Variants in COL11A1 observed in about 807,000 individuals in gnomAD.
COL11A1 encodes collagen type XI alpha 1 chain, also known as collagen alpha-1(XI) chain.
A neutral mutation model predicts 265.2 loss-of-function variants in COL11A1; 74 were observed. That is an observed-to-expected ratio of 0.28 (90% confidence interval 0.23 to 0.34). COL11A1 has a LOEUF of 0.34. Ranked by LOEUF, COL11A1 falls within the 10% of genes least tolerant of loss-of-function variation. The probability of loss-of-function intolerance (pLI) is 1.00; values close to 1 mark genes in which losing one functional copy is unlikely to be tolerated. For missense variants in COL11A1, 2,165 were observed against 2,263.6 expected (o/e 0.96, Z 0.88); for synonymous variants, 816 against 727.6 (o/e 1.12, Z -1.96).
intron 3 of COL11A1, among the ~76,000 whole-genome samples, chr1:103,076,129 G>A (rs1401568331): frequency 1.3e-5 from 2 of 152,094 alleles, no homozygotes; most frequent in South Asian, 4.1e-4. Flanking sequence ...CATAATCATG[G>A]TGTCATATAT....
At chr1:103,020,730 GTTTAAGTC>G (rs1181972597) in intron 9 of COL11A1, among the ~76,000 whole-genome samples, 1 of 116,318 alleles carries the variant, frequency 8.6e-6, no homozygotes, top group Non-Finnish European at 1.8e-5. Flanking sequence ...TAGGTCTAAC[GTTTAAGTC>G]TTTAATCCAT....
intron 46 of COL11A1, among the ~76,000 whole-genome samples, chr1:102,933,651 A>C (rs12756209): frequency 0.5 from 75,385 of 151,980 alleles, 22,470 homozygotes; most frequent in East Asian, 0.7. Context: ...TTGTTTACCT[A>C]AGCAAGCCTG....
chr1:103,011,982 G>A (rs1266051619), intron 14 of COL11A1, among the ~76,000 whole-genome samples: 1 of 152,018 alleles, frequency 6.6e-6, no homozygotes. Flanking sequence ...GGCAACCTGC[G>A]GTTTAAAAAG....
intron 1 of COL11A1, among the ~76,000 whole-genome samples, chr1:103,098,205 C>T (rs371681928): frequency 6.6e-6 from 1 of 151,876 alleles, no homozygotes; most frequent in Non-Finnish European, 1.5e-5. Context: ...AAAGCATTTT[C>T]TATATTGTAA....
At chr1:103,030,669 T>C in intron 5 of COL11A1, among the ~76,000 whole-genome samples, 1 of 152,082 alleles carries the variant, frequency 6.6e-6, no homozygotes, top group East Asian at 1.9e-4. Flanking sequence ...AACCCTCTAA[T>C]TGTTCAACAC....
chr1:102,904,475 T>C (rs962051483), intron 54 of COL11A1, among the ~76,000 whole-genome samples: 2 of 152,082 alleles, frequency 1.3e-5, no homozygotes, highest in Admixed American at 1.3e-4. Context: ...AACCTACTTA[T>C]CTGACAAAGG....
At chr1:102,994,651 A>G (rs1038163155) in intron 28 of COL11A1, among the ~76,000 whole-genome samples, 2 of 152,146 alleles carry the variant, frequency 1.3e-5, no homozygotes, top group South Asian at 2.1e-4. Context: ...GATATTAACA[A>G]TAGTTAATAT....
At chr1:102,978,804 T>C in intron 34 of COL11A1, 52 bp from the exon 35 acceptor site, 2 of 1,613,936 alleles carry the variant, frequency 1.2e-6, no homozygotes, top group Middle Eastern at 1.6e-4. Flanking sequence ...TCTCATAGCA[T>C]CTGCCTGGAA....
At chr1:102,998,477 T>C in intron 24 of COL11A1, 114 bp from the exon 25 acceptor site, 1 of 593,404 alleles carries the variant, frequency 1.7e-6, no homozygotes, top group Admixed American at 3.4e-5. Flanking sequence ...AATTCATAAG[T>C]AATAACCATT....
chr1:102,911,975 C>T (rs576342080), intron 54 of COL11A1, among the ~76,000 whole-genome samples, 184 bp downstream of exon 54: 10 of 152,108 alleles, frequency 6.6e-5, no homozygotes, highest in Non-Finnish European at 1.5e-4. Context: ...TTTATTGTGA[C>T]AGTGAAATAG....
chr1:102,968,792 C>T (rs115818502), intron 37 of COL11A1, among the ~76,000 whole-genome samples: 13 of 152,236 alleles, frequency 8.5e-5, no homozygotes, highest in Non-Finnish European at 1.0e-4. Context: ...ATTCTAGAAA[C>T]ATTATGCTGT....
intron 28 of COL11A1, among the ~76,000 whole-genome samples, chr1:102,995,578 C>A (rs1257193644): frequency 1.3e-5 from 2 of 151,180 alleles, no homozygotes; most frequent in African/African-American, 4.9e-5. Context: ...TAAGGCCAAC[C>A]CTATGATTAA....
intron 1 of COL11A1, among the ~76,000 whole-genome samples, chr1:103,098,068 G>T (rs116094488): frequency 0.012 from 1,763 of 151,786 alleles, 34 homozygotes; most frequent in African/African-American, 0.041. Context: ...AGCCAAGGCT[G>T]TTAAAAAAAA....
chr1:102,905,288 G>T (rs1458211217), intron 54 of COL11A1, among the ~76,000 whole-genome samples: 1 of 150,440 alleles, frequency 6.6e-6, no homozygotes, highest in Non-Finnish European at 1.5e-5. Flanking sequence ...ACGAGTTACT[G>T]GGTGCAGCAC....
chr1:102,917,857 C>T, intron 49 of COL11A1, among the ~76,000 whole-genome samples: 1 of 151,536 alleles, frequency 6.6e-6, no homozygotes, highest in East Asian at 1.9e-4. Flanking sequence ...CTTTTTACTA[C>T]AAAGTTTCAT....
At chr1:102,964,649 T>A (rs1469655754) in intron 38 of COL11A1, among the ~76,000 whole-genome samples, 1 of 151,662 alleles carries the variant, frequency 6.6e-6, no homozygotes, top group African/African-American at 2.4e-5. Context: ...CGTGTGCGCA[T>A]GTGTGTGTGT....
intron 3 of COL11A1, among the ~76,000 whole-genome samples, chr1:103,078,205 A>G (rs926953918): frequency 6.6e-6 from 1 of 151,992 alleles, no homozygotes; most frequent in Non-Finnish European, 1.5e-5. Flanking sequence ...TTCTCCTGCC[A>G]TGCTGGTATC....
chr1:102,907,364 T>C (rs528939187), intron 54 of COL11A1, among the ~76,000 whole-genome samples: 3 of 152,176 alleles, frequency 2.0e-5, no homozygotes, highest in South Asian at 4.1e-4. Flanking sequence ...TAATGTACTA[T>C]CTCATAATGT....
At chr1:103,031,880 T>C (rs1385635894) in intron 4 of COL11A1, among the ~76,000 whole-genome samples, 3 of 151,930 alleles carry the variant, frequency 2.0e-5, no homozygotes, top group Non-Finnish European at 2.9e-5. Flanking sequence ...TAAGGATACA[T>C]TAAACATCAC....
Sources: allele counts gnomAD v4.1 joint callset (sites outside exome capture counted in the v4.1 genomes callset), GRCh38; gene constraint gnomAD v4.1.1; transcripts MANE v1.5; gene names NCBI Gene and HGNC (gene_info 2026-07-23, HGNC 2026-07-21).